Variants in GSE1 observed in about 807,000 individuals in gnomAD.
GSE1 encodes the protein genetic suppressor element 1.
GSE1 carries 32 observed loss-of-function variants against 112.6 expected under a neutral mutation model. That is an observed-to-expected ratio of 0.28 (90% CI 0.21 to 0.38). The LOEUF is 0.38. Ranked by LOEUF, GSE1 falls within the 10% of genes least tolerant of loss-of-function variation. The pLI is 1.00. For missense variants in GSE1, 2,348 were observed against 1,699.2 expected, an observed-to-expected ratio of 1.38 and a Z score of -6.71; for synonymous variants, 1,115 against 735.6, an observed-to-expected ratio of 1.52 and a Z score of -8.35.
intron 1 of GSE1, among the ~76,000 whole-genome samples, chr16:85,179,342 C>T (rs183367580): frequency 2.6e-5 from 4 of 152,248 alleles, no homozygotes; most frequent in East Asian, 3.9e-4. Flanking sequence ...GAGCTTCATC[C>T]CGTTTTGTGG....
chr16:85,640,869 G>A (rs1036943320), intron 2 of GSE1, among the ~76,000 whole-genome samples: 15 of 152,242 alleles, frequency 9.9e-5, no homozygotes, highest in African/African-American at 3.4e-4. Context: ...CGCCGCGGGC[G>A]TCCTCATGGT....
Position 85,311,337 on chromosome 16 carries a change from C to T in GSE1, c.2284-46126C>T, listed in dbSNP as rs774568428. Among the ~76,000 whole-genome samples the T allele has an allele frequency of 5.3e-5, 8 of 152,344 alleles. No individual in the cohort carries two copies. Among genetic ancestry groups the T allele is most frequent in the Non-Finnish European group, 8.8e-5 (6 of 68,036 alleles). On this transcript the variant is annotated intron_variant, in intron 1 of 2. Coordinates refer to the GSE1 transcript ENST00000637419. The surrounding 1 kb of genome is among the most constrained non-coding windows in gnomAD (Gnocchi z 4.2). ...AGGGTGGGCGTCGTTAGAGCAGAAACGGTGGTGGCAGGACCCAAGACTGTG... is the reference window on the plus strand; with the variant it reads ...AGGGTGGGCGTCGTTAGAGCAGAAATGGTGGTGGCAGGACCCAAGACTGTG...
At chr16:85,543,297 C>G (rs2044588087) in intron 2 of GSE1, among the ~76,000 whole-genome samples, 1 of 151,882 alleles carries the variant, frequency 6.6e-6, no homozygotes, top group Non-Finnish European at 1.5e-5. Context: ...ATGGACCCAA[C>G]CGGACATAGC....
intron 2 of GSE1, among the ~76,000 whole-genome samples, chr16:85,400,824 T>C (rs1328413065): frequency 6.6e-6 from 1 of 151,390 alleles, no homozygotes; most frequent in Non-Finnish European, 1.5e-5. Context: ...TGTCTGTGAT[T>C]ATGTGTTTGC....
At chr16:85,464,197 T>G (rs576646234) in intron 2 of GSE1, among the ~76,000 whole-genome samples, 6 of 152,254 alleles carry the variant, frequency 3.9e-5, no homozygotes, top group African/African-American at 1.4e-4. Flanking sequence ...TTTTGCCTTT[T>G]GAAAACTCAG....
At chr16:85,172,332 C>T (rs909760849) in intron 1 of GSE1, among the ~76,000 whole-genome samples, 8 of 152,292 alleles carry the variant, frequency 5.3e-5, no homozygotes, top group South Asian at 2.1e-4. Flanking sequence ...GCTTGCTTTA[C>T]GGCGGAGGGA....
At chr16:85,408,015 C>T (rs559730617) in intron 2 of GSE1, among the ~76,000 whole-genome samples, 9 of 53,948 alleles carry the variant, frequency 1.7e-4, no homozygotes, top group African/African-American at 7.1e-4. Flanking sequence ...GGATAATCCT[C>T]ACTGTTACAC....
intron 2 of GSE1, among the ~76,000 whole-genome samples, chr16:85,391,624 G>T (rs1008260214): frequency 6.6e-6 from 1 of 152,172 alleles, no homozygotes; most frequent in African/African-American, 2.4e-5. Flanking sequence ...TTATAAGGAC[G>T]CAGGTCGTAA....
At chr16:85,654,536 G>T in intron 4 of GSE1, 86 bp downstream of exon 4, 1 of 1,173,948 alleles carries the variant, frequency 8.5e-7, no homozygotes, top group Non-Finnish European at 1.2e-6. Flanking sequence ...CCTGCGGTCT[G>T]CACAGATGAG....
intron 2 of GSE1, among the ~76,000 whole-genome samples, chr16:85,469,944 A>G (rs1036654412): frequency 1.3e-5 from 2 of 152,186 alleles, no homozygotes; most frequent in Non-Finnish European, 2.9e-5. Context: ...CCAGGACCCC[A>G]TCCTCACTGT....
intron 1 of GSE1, among the ~76,000 whole-genome samples, chr16:85,197,136 C>T (rs1202546175): frequency 6.6e-6 from 1 of 152,184 alleles, no homozygotes; most frequent in African/African-American, 2.4e-5. Flanking sequence ...GACAACAAGA[C>T]CTGGCCCCTC....
intron 2 of GSE1, among the ~76,000 whole-genome samples, chr16:85,420,345 C>T (rs761081319): frequency 2.6e-5 from 4 of 152,048 alleles, no homozygotes; most frequent in East Asian, 1.9e-4. Context: ...TGTCCAGGAT[C>T]GTGAGGGAAC....
chr16:85,621,455 A>G (rs1362227473), intron 1 of GSE1, among the ~76,000 whole-genome samples: 1 of 152,210 alleles, frequency 6.6e-6, no homozygotes, highest in Non-Finnish European at 1.5e-5. Context: ...CCTTTTTTGA[A>G]TACAGTCTTA....
chr16:85,366,433 C>T (rs928435889), intron 2 of GSE1, among the ~76,000 whole-genome samples: 16 of 152,262 alleles, frequency 1.1e-4, no homozygotes, highest in African/African-American at 2.7e-4. Context: ...TCCCTCTCCA[C>T]GACCAATCTA....
chr16:85,283,982 T>C lies in GSE1; in HGVS notation c.2284-73481T>C, dbSNP rs544993891. Among the ~76,000 whole-genome samples, 185 of 152,338 alleles carry C rather than the reference T, an allele frequency of 1.2e-3. 1 individual carries two copies. Among genetic ancestry groups the C allele is most frequent in the African/African-American group, 4.3e-3 (178 of 41,582 alleles). ...GCCCATCTCTTTGCCTTTCTGGGCCTCAGTTTCCTCTTGTGAGTAAGATGG... is the reference window on the plus strand; with the variant it reads ...GCCCATCTCTTTGCCTTTCTGGGCCCCAGTTTCCTCTTGTGAGTAAGATGG... On this transcript the variant is annotated intron_variant, in intron 1 of 2. Coordinates refer to the GSE1 transcript ENST00000637419.
chr16:85,672,181 G>C lies in GSE1; in HGVS notation c.3520-224G>C, dbSNP rs551583917. The C allele has an allele frequency of 7.5e-5, 41 of 543,950 alleles. No homozygotes were observed. In the East Asian group the frequency reaches 1.1e-3, roughly 15 times the overall value. The allele number at this position is 543,950 out of a possible 1,614,324, so 33.7% of individuals were successfully genotyped here. A position where few individuals can be genotyped will look rare whatever the true frequency, so the allele number is the denominator to read the frequency against. ...GCCTGGCTAATTTTTTTGTTTAGTA[G>C]ATGGGGTTTCCCCATGTTGGCCAGG... On this transcript the variant is annotated intron_variant, in intron 15 of 15. Transcript: ENST00000253458.
intron 2 of GSE1, among the ~76,000 whole-genome samples, chr16:85,509,346 A>T (rs1245113881): frequency 2.0e-5 from 3 of 152,190 alleles, no homozygotes; most frequent in Non-Finnish European, 2.9e-5. Flanking sequence ...CCTGAGTCTC[A>T]CTAAGTTTCT....
intron 1 of GSE1, among the ~76,000 whole-genome samples, chr16:85,560,790 C>G (rs553020997): frequency 1.3e-5 from 2 of 152,154 alleles, no homozygotes; most frequent in African/African-American, 4.8e-5. Flanking sequence ...TCCTTTTTAC[C>G]AGACTCAGTG....
At chr16:85,435,723 C>CCTGAAATTCCCTCTT (rs1347795719) in intron 2 of GSE1, among the ~76,000 whole-genome samples, 2 of 152,060 alleles carry the variant, frequency 1.3e-5, no homozygotes, top group African/African-American at 4.8e-5. Flanking sequence ...AATTCCCTCT[C>CCTGAAATTCCCTCTT]CTGACGTCTC....
Sources: gnomAD v4.1 joint callset for allele counts (sites outside exome capture counted in the v4.1 genomes callset) on GRCh38, gnomAD v4.1.1 for gene constraint, Gnocchi (gnomAD v3.1) non-coding constraint, MANE v1.5 for transcripts, NCBI Gene and HGNC (gene_info 2026-07-23, HGNC 2026-07-21) for gene names.